Variants in GPM6A observed in about 807,000 individuals in gnomAD.
GPM6A encodes neuronal membrane glycoprotein M6-a.
In GPM6A, 7 loss-of-function variants were observed where a neutral mutation model predicts 32.1. The ratio of observed to expected loss-of-function variants is 0.22; its 90% CI spans 0.12 to 0.41. The LOEUF (loss-of-function observed/expected upper bound fraction) is 0.41. Ranked by LOEUF, GPM6A falls within the 10% of genes least tolerant of loss-of-function variation. The pLI is 1.00. For missense variants in GPM6A, 235 were observed against 347.2 expected, an observed-to-expected ratio of 0.68 and a Z score of 2.57; for synonymous variants, 130 against 123.4, an observed-to-expected ratio of 1.05 and a Z score of -0.35.
intron 1 of GPM6A, among the ~76,000 whole-genome samples, chr4:175,972,832 A>G (rs757423350): frequency 6.6e-6 from 1 of 152,144 alleles, no homozygotes; most frequent in South Asian, 2.1e-4. Context: ...TGCTGTGACA[A>G]TGTATATCTC....
At chr4:175,812,339 T>TG, upstream of GPM6A, 1 of 1,304,910 alleles carries the variant, frequency 7.7e-7, no homozygotes. Flanking sequence ...TTTTTTTTTT[T>TG]TCCTGGGAAG....
chr4:175,993,178 T>A (rs1314548914), intron 1 of GPM6A, among the ~76,000 whole-genome samples: 3 of 149,882 alleles, frequency 2.0e-5, no homozygotes, highest in Admixed American at 2.0e-4. Context: ...CTTACTTTTC[T>A]TCCTTTCTTT....
intron 6 of GPM6A, among the ~76,000 whole-genome samples, chr4:175,637,598 T>G (rs1303568287): frequency 8.4e-6 from 1 of 119,678 alleles, no homozygotes; most frequent in African/African-American, 3.3e-5. Context: ...TTATATATTA[T>G]GTAAAATATA....
At chr4:175,942,158 G>T (rs988980732) in intron 1 of GPM6A, among the ~76,000 whole-genome samples, 5 of 151,686 alleles carry the variant, frequency 3.3e-5, no homozygotes, top group Non-Finnish European at 5.9e-5. Context: ...AAATATGTTT[G>T]TTGGCCACAT....
intron 1 of GPM6A, among the ~76,000 whole-genome samples, chr4:175,742,775 C>G (rs1387943558): frequency 6.6e-6 from 1 of 152,098 alleles, no homozygotes; most frequent in East Asian, 1.9e-4. Flanking sequence ...GGCCAAGCTT[C>G]TGAGAAGAGA....
chr4:175,972,821 A>T lies in GPM6A; in HGVS notation c.-23+29488T>A, dbSNP rs554797003. Among the ~76,000 whole-genome samples the T allele has an allele frequency of 2.0e-4, 31 of 152,274 alleles. No homozygotes were observed. In the South Asian group the frequency reaches 4.8e-3, roughly 23 times the overall value. Reference sequence around the variant, plus strand: ...GGGAAAATTAGTTACTGTCTTTTCTATGCTGTGACAATGTATATCTCTACT... The same window carrying T: ...GGGAAAATTAGTTACTGTCTTTTCTTTGCTGTGACAATGTATATCTCTACT... On this transcript the variant is annotated intron_variant, in intron 1 of 7. Coordinates refer to the GPM6A transcript ENST00000280187.
intron 1 of GPM6A, among the ~76,000 whole-genome samples, chr4:175,899,114 C>T (rs1495712): frequency 0.47 from 70,717 of 151,960 alleles, 17,475 homozygotes; most frequent in Admixed American, 0.59. Context: ...CACCCACAGA[C>T]GAATTATTTG....
chr4:175,929,109 T>C (rs977668341), intron 1 of GPM6A, among the ~76,000 whole-genome samples: 1 of 152,166 alleles, frequency 6.6e-6, no homozygotes, highest in Admixed American at 6.5e-5. Flanking sequence ...AGAGCTGTGA[T>C]GAAGTAAAAG....
chr4:175,756,361 G>A (rs1042375498), intron 1 of GPM6A, among the ~76,000 whole-genome samples: 5 of 152,098 alleles, frequency 3.3e-5, no homozygotes, highest in Non-Finnish European at 7.4e-5. Flanking sequence ...TTCAGTAAAG[G>A]AATGACAAGA....
chr4:175,990,327 A>G (rs1425411794), intron 1 of GPM6A, among the ~76,000 whole-genome samples: 1 of 152,156 alleles, frequency 6.6e-6, no homozygotes, highest in Non-Finnish European at 1.5e-5. Context: ...CTCATTCAGA[A>G]AGCTTCTCTT....
chr4:175,801,152 A>T (rs987542361), intron 1 of GPM6A, among the ~76,000 whole-genome samples: 1 of 152,226 alleles, frequency 6.6e-6, no homozygotes, highest in East Asian at 1.9e-4. Flanking sequence ...TAACAGGGAA[A>T]ATTAAGCAGT....
chr4:175,857,740 G>GA (rs370680054), intron 1 of GPM6A, among the ~76,000 whole-genome samples: 25 of 149,786 alleles, frequency 1.7e-4, no homozygotes, highest in East Asian at 5.9e-4. Context: ...CTGAAAAAAA[G>GA]AAAAAAAAAG....
intron 1 of GPM6A, among the ~76,000 whole-genome samples, chr4:175,977,821 T>C (rs968337286): frequency 6.6e-6 from 1 of 152,174 alleles, no homozygotes; most frequent in Admixed American, 6.5e-5. Flanking sequence ...TAAGAGGTGA[T>C]AGTTTATAAT....
At chr4:175,894,112 C>A (rs1737724878) in intron 1 of GPM6A, among the ~76,000 whole-genome samples, 1 of 152,128 alleles carries the variant, frequency 6.6e-6, no homozygotes, top group Non-Finnish European at 1.5e-5. Context: ...GATAATTTCA[C>A]AAGTGCTTTA....
intron 2 of GPM6A, among the ~76,000 whole-genome samples, chr4:175,697,662 C>T (rs1744654857): frequency 6.6e-6 from 1 of 152,028 alleles, no homozygotes; most frequent in African/African-American, 2.4e-5. Context: ...CAGAGAAGTA[C>T]TAAAAGTTAT....
At chr4:175,710,971 T>C (rs1193169149) in intron 1 of GPM6A, among the ~76,000 whole-genome samples, 2 of 152,112 alleles carry the variant, frequency 1.3e-5, no homozygotes, top group Non-Finnish European at 2.9e-5. Context: ...ACCAGGAATA[T>C]GAAAACGACC....
chr4:175,639,273 G>T (rs1357246184), intron 6 of GPM6A, among the ~76,000 whole-genome samples: 1 of 152,030 alleles, frequency 6.6e-6, no homozygotes, highest in Non-Finnish European at 1.5e-5. Context: ...TTTAGTCTCT[G>T]ACAAGAGAAA....
At position 175,739,919 on chromosome 4, in the gene GPM6A, C is replaced by A. The variant is rs1286940690; in HGVS notation, c.38-38152G>T. On this transcript the variant is annotated intron_variant, in intron 1 of 6. Transcript: ENST00000393658. ...TTTTGTCAATGATCATTTTATTCCA[C>A]AAAAGTGAAAATTACATAAAAATAT... Among the ~76,000 whole-genome samples, 3 of 151,700 alleles carry A rather than the reference C, an allele frequency of 2.0e-5. 1 individual carries two copies. The highest frequency in any genetic ancestry group is 7.3e-5 in the African/African-American group (3 of 41,318).
chr4:175,843,988 C>G (rs533869278), intron 1 of GPM6A, among the ~76,000 whole-genome samples: 3 of 152,118 alleles, frequency 2.0e-5, no homozygotes, highest in Admixed American at 1.3e-4. Flanking sequence ...GTTCCTCATC[C>G]CCCACCTTTG....
Sources: allele counts gnomAD v4.1 joint callset (sites outside exome capture counted in the v4.1 genomes callset), GRCh38; gene constraint gnomAD v4.1.1; transcripts MANE v1.5; gene names NCBI Gene and HGNC (gene_info 2026-07-23, HGNC 2026-07-21).